IARS1: variants seen among roughly 807,000 people sequenced by gnomAD.
The protein encoded by IARS1 is isoleucyl-tRNA synthetase 1.
A neutral mutation model predicts 168.2 loss-of-function variants in IARS1; 124 were observed. The observed-to-expected ratio is 0.74, with a 90% CI of 0.64 to 0.86. The LOEUF (loss-of-function observed/expected upper bound fraction) is 0.86. IARS1 is among the 40% of genes least tolerant of loss of function. IARS1 has a pLI of 0.00. For missense variants in IARS1, 1,452 were observed against 1,515.8 expected (o/e 0.96, Z 0.70); for synonymous variants, 532 against 529.4 (o/e 1.00, Z -0.07).
At chr9:92,260,611 C>T (rs1255171248) in intron 17 of IARS1, among the ~76,000 whole-genome samples, 3 of 152,012 alleles carry the variant, frequency 2.0e-5, no homozygotes, top group Admixed American at 6.5e-5. Flanking sequence ...GCCAAGATCG[C>T]GCCACTACAC....
intron 32 of IARS1, 99 bp from the exon 33 acceptor site, chr9:92,222,771 G>A: frequency 8.4e-7 from 1 of 1,186,300 alleles, no homozygotes; most frequent in Non-Finnish European, 1.2e-6. Flanking sequence ...CAGTGCTGAG[G>A]CCAGCAGTGC....
chr9:92,245,269 T>C (rs1829021284), intron 26 of IARS1, among the ~76,000 whole-genome samples, 198 bp from the exon 27 acceptor site: 1 of 152,190 alleles, frequency 6.6e-6, no homozygotes, highest in African/African-American at 2.4e-5. Flanking sequence ...CTATGCTACC[T>C]TGAAGACAGT....
intron 30 of IARS1, among the ~76,000 whole-genome samples, chr9:92,234,747 T>C (rs1042840553): frequency 2.0e-5 from 3 of 152,006 alleles, no homozygotes; most frequent in African/African-American, 4.8e-5. Flanking sequence ...TGAGACATCA[T>C]CACAGGTCTA....
intron 30 of IARS1, among the ~76,000 whole-genome samples, chr9:92,239,011 A>G (rs1253458124): frequency 6.6e-6 from 1 of 152,130 alleles, no homozygotes; most frequent in African/African-American, 2.4e-5. Context: ...GGACCCAAGA[A>G]CTCACTGATG....
At chr9:92,233,137 T>A (rs1826972092) in intron 30 of IARS1, among the ~76,000 whole-genome samples, 1 of 152,236 alleles carries the variant, frequency 6.6e-6, no homozygotes, top group African/African-American at 2.4e-5. Flanking sequence ...GGAAGCGCTG[T>A]CAAATAAGAA....
At chr9:92,214,034 A>T (rs1838205484) in intron 33 of IARS1, among the ~76,000 whole-genome samples, 1 of 151,556 alleles carries the variant, frequency 6.6e-6, no homozygotes, top group African/African-American at 2.4e-5. Flanking sequence ...AACTCTGCCC[A>T]CCTCAGCCTC....
At position 92,258,849 on chromosome 9, in the gene IARS1, C is replaced by T. The variant is rs746461451; in HGVS notation, c.2016+5G>A. The T allele has an allele frequency of 6.9e-6, 11 of 1,603,606 alleles. No individual in the cohort carries two copies. The highest frequency in any genetic ancestry group is 8.5e-6 in the Non-Finnish European group (10 of 1,176,122). On this transcript the variant is annotated splice_donor_5th_base_variant and intron_variant, in intron 19 of 33. Coordinates refer to ENST00000443024, the MANE Select transcript of IARS1 (RefSeq NM_002161.6). The stretch of plus-strand genomic sequence containing the variant: ...GGTACATGTGCAGCCCCCTACAGCC[C>T]ATACCTTCTGGAGCCTCAGAACGTT...
Position 92,236,947 on chromosome 9 carries a change from T to G in IARS1, c.3283+3909A>C, listed in dbSNP as rs532758629. On this transcript the variant is annotated intron_variant, in intron 30 of 33. Transcript: ENST00000443024. ...ATTCCTGATATGCAACTGTGTCTTCTTTTTCTTTATTAGTCTCACTAGAGG... is the reference window on the plus strand; with the variant it reads ...ATTCCTGATATGCAACTGTGTCTTCGTTTTCTTTATTAGTCTCACTAGAGG... Among the ~76,000 whole-genome samples, 9 of 152,354 alleles carry G rather than the reference T, an allele frequency of 5.9e-5. No homozygotes were observed. In the East Asian group the frequency reaches 1.7e-3, roughly 29 times the overall value.
chr9:92,291,734 A>C (rs965744675), intron 1 of IARS1, among the ~76,000 whole-genome samples: 4 of 152,194 alleles, frequency 2.6e-5, no homozygotes, highest in Non-Finnish European at 5.9e-5. Context: ...TGTTATCTGA[A>C]GACTAACAGA....
chr9:92,278,399 AC>A (rs1834058185), intron 7 of IARS1, 113 bp from the exon 8 acceptor site: 1 of 741,838 alleles, frequency 1.3e-6, no homozygotes. Flanking sequence ...ATGTGCCTCT[AC>A]TGTACCCAGT....
chr9:92,214,401 CA>C (rs953365278), intron 33 of IARS1, among the ~76,000 whole-genome samples: 1 of 151,988 alleles, frequency 6.6e-6, no homozygotes, highest in Non-Finnish European at 1.5e-5. Flanking sequence ...ACTAAAATTA[CA>C]AAAATTGGGG....
At chr9:92,222,802 C>T (rs896896330) in intron 32 of IARS1, 130 bp from the exon 33 acceptor site, 1 of 735,788 alleles carries the variant, frequency 1.4e-6, no homozygotes, top group East Asian at 2.7e-5. Context: ...GTGAGTGTGA[C>T]CGCTGAAGAT....
chr9:92,270,839 A>G (rs781218481), intron 12 of IARS1, 146 bp downstream of exon 12: 37 of 499,708 alleles, frequency 7.4e-5, no homozygotes, highest in Non-Finnish European at 1.2e-4. Context: ...ACTCTCCTAA[A>G]AATGAAGTAA....
chr9:92,213,112 C>A (rs1004045442), intron 33 of IARS1, among the ~76,000 whole-genome samples: 6 of 151,346 alleles, frequency 4.0e-5, no homozygotes, highest in African/African-American at 7.3e-5. Flanking sequence ...TTTAAAAGTA[C>A]GATATGCAAC....
chr9:92,230,509 T>C (rs900600677), intron 30 of IARS1, among the ~76,000 whole-genome samples: 2 of 152,210 alleles, frequency 1.3e-5, no homozygotes, highest in Non-Finnish European at 2.9e-5. Flanking sequence ...GTACCCCAGT[T>C]TGCTTAGCCA....
At chr9:92,282,895 C>G (rs1300052949) in intron 6 of IARS1, among the ~76,000 whole-genome samples, 6 of 149,050 alleles carry the variant, frequency 4.0e-5, no homozygotes, top group Non-Finnish European at 7.4e-5. Flanking sequence ...AACTCTGTCA[C>G]CCAGGCTGGA....
At chr9:92,250,463 C>T (rs1029585197) in intron 23 of IARS1, among the ~76,000 whole-genome samples, 174 bp from the exon 24 acceptor site, 1 of 152,220 alleles carries the variant, frequency 6.6e-6, no homozygotes, top group African/African-American at 2.4e-5. Flanking sequence ...CCGGCATCTC[C>T]CCAAGGAGCC....
At chr9:92,290,075 G>C (rs1044630886) in intron 1 of IARS1, among the ~76,000 whole-genome samples, 1 of 152,274 alleles carries the variant, frequency 6.6e-6, no homozygotes, top group South Asian at 2.1e-4. Flanking sequence ...TTTGTAGCTA[G>C]AAGTAGAATT....
At chr9:92,211,518 T>C (rs1837763301) in intron 33 of IARS1, among the ~76,000 whole-genome samples, 1 of 152,148 alleles carries the variant, frequency 6.6e-6, no homozygotes, top group Admixed American at 6.5e-5. Context: ...CCAGCAGTGA[T>C]GGGGGTCTTG....
Sources: gnomAD v4.1 joint callset for allele counts (sites outside exome capture counted in the v4.1 genomes callset) on GRCh38, gnomAD v4.1.1 for gene constraint, MANE v1.5 for transcripts, NCBI Gene and HGNC (gene_info 2026-07-23, HGNC 2026-07-21) for gene names.